The following INPP5A variants were observed in gnomAD, a reference collection of about 807,000 sequenced individuals.
The protein encoded by INPP5A is inositol polyphosphate-5-phosphatase A.
INPP5A carries 14 observed loss-of-function variants against 65.2 expected under a neutral mutation model. That is an observed-to-expected ratio of 0.21 (90% CI 0.14 to 0.34). The LOEUF (loss-of-function observed/expected upper bound fraction) is 0.34. INPP5A is among the 10% of genes least tolerant of loss of function. The probability of loss-of-function intolerance (pLI) is 1.00; values close to 1 mark genes in which losing one functional copy is unlikely to be tolerated. For synonymous variants in INPP5A, 207 were observed against 208.3 expected, an observed-to-expected ratio of 0.99 and a Z score of 0.05; for missense variants, 431 against 545.6, an observed-to-expected ratio of 0.79 and a Z score of 2.09.
At chr10:132,640,176 T>G (rs1057491268) in intron 2 of INPP5A, among the ~76,000 whole-genome samples, 3 of 152,262 alleles carry the variant, frequency 2.0e-5, no homozygotes, top group African/African-American at 7.2e-5. Flanking sequence ...CTGGCTTTTC[T>G]TACGGTTCTC....
At chr10:132,584,495 ATAAACT>A (rs1010293856) in intron 1 of INPP5A, among the ~76,000 whole-genome samples, 7 of 152,244 alleles carry the variant, frequency 4.6e-5, no homozygotes, top group African/African-American at 1.4e-4. Flanking sequence ...TGAGGAAAAC[ATAAACT>A]TAAAAATTAT....
chr10:132,643,821 G>A (rs180965643), intron 2 of INPP5A, among the ~76,000 whole-genome samples: 5 of 152,224 alleles, frequency 3.3e-5, no homozygotes, highest in Non-Finnish European at 7.4e-5. Context: ...GGGTCCTGGC[G>A]CCCTGTGAGT....
intron 2 of INPP5A, among the ~76,000 whole-genome samples, chr10:132,631,250 C>T (rs1000530592): frequency 5.3e-5 from 8 of 152,186 alleles, no homozygotes; most frequent in East Asian, 3.8e-4. Context: ...CCGGTCCCAT[C>T]GGCTGCGCCT....
chr10:132,645,023 C>T (rs551923762), intron 2 of INPP5A, among the ~76,000 whole-genome samples: 3 of 152,218 alleles, frequency 2.0e-5, no homozygotes, highest in South Asian at 4.2e-4. Context: ...TCTCTGCCCG[C>T]GCGTCCTCTC....
chr10:132,771,688 C>T (rs1846953461), intron 12 of INPP5A, among the ~76,000 whole-genome samples: 1 of 114,864 alleles, frequency 8.7e-6, no homozygotes, highest in Non-Finnish European at 1.9e-5. Flanking sequence ...TCAGCACTGA[C>T]ACAGAGGCCA....
At chr10:132,561,443 T>G (rs371656684) in intron 1 of INPP5A, among the ~76,000 whole-genome samples, 1 of 152,230 alleles carries the variant, frequency 6.6e-6, no homozygotes, top group East Asian at 1.9e-4. Context: ...CGGTACCATT[T>G]TTGAAAAGAC....
intron 11 of INPP5A, among the ~76,000 whole-genome samples, chr10:132,760,172 T>G (rs902856812): frequency 3.3e-5 from 5 of 152,188 alleles, no homozygotes; most frequent in Non-Finnish European, 1.5e-5. Flanking sequence ...CACCTGCTGC[T>G]TCTAGGAGGT....
In INPP5A at chr10:132,706,772, T is replaced by G. The variant is rs1043739015; in HGVS notation, c.475-1541T>G. Among the ~76,000 whole-genome samples the G allele has an allele frequency of 3.3e-5, 5 of 151,990 alleles. No individual in the cohort carries two copies. Among genetic ancestry groups the G allele is most frequent in the Non-Finnish European group, 7.4e-5 (5 of 67,968 alleles). On this transcript the variant is annotated intron_variant, in intron 6 of 15. Coordinates refer to ENST00000368594, the MANE Select transcript of INPP5A (RefSeq NM_005539.5). The surrounding 1 kb of genome is among the most constrained non-coding windows in gnomAD (Gnocchi z 4.7). ...GAGGGAGCTGTGGGGGCCACTGTCC[T>G]GGAGGGAGACAGGGAGAAGGAGACG...
chr10:132,596,991 G>C (rs1052500396), intron 1 of INPP5A, among the ~76,000 whole-genome samples: 6 of 151,518 alleles, frequency 4.0e-5, no homozygotes, highest in Non-Finnish European at 8.8e-5. Flanking sequence ...GTGCATGCAC[G>C]TGTGTTTGTG....
intron 8 of INPP5A, among the ~76,000 whole-genome samples, chr10:132,726,247 C>T (rs55945691): frequency 0.022 from 3,285 of 152,294 alleles, 54 homozygotes; most frequent in South Asian, 0.053. Flanking sequence ...TTGAAACGTC[C>T]GAGTGGAGAT....
intron 4 of INPP5A, among the ~76,000 whole-genome samples, chr10:132,657,702 A>G (rs1258236267): frequency 6.6e-6 from 1 of 152,210 alleles, no homozygotes; most frequent in East Asian, 1.9e-4. Flanking sequence ...GGGAGAATTT[A>G]TGGAAAATTG....
intron 8 of INPP5A, among the ~76,000 whole-genome samples, chr10:132,716,084 G>A (rs914847610): frequency 6.6e-6 from 1 of 152,212 alleles, no homozygotes; most frequent in Non-Finnish European, 1.5e-5. Flanking sequence ...TCATTTTGTT[G>A]AACATGGAGT....
At chr10:132,670,817 C>G (rs2072880016) in intron 4 of INPP5A, among the ~76,000 whole-genome samples, 1 of 149,224 alleles carries the variant, frequency 6.7e-6, no homozygotes, top group Non-Finnish European at 1.5e-5. Flanking sequence ...CCTATAGAAA[C>G]TGATTTCTTG....
chr10:132,588,909 T>C (rs1413057721), intron 1 of INPP5A, among the ~76,000 whole-genome samples: 1 of 151,010 alleles, frequency 6.6e-6, no homozygotes, highest in Non-Finnish European at 1.5e-5. Flanking sequence ...GAGTGTGAGA[T>C]GTGGTCCCAC....
At chr10:132,777,378 T>C (rs1475589574) in intron 12 of INPP5A, among the ~76,000 whole-genome samples, 1 of 152,234 alleles carries the variant, frequency 6.6e-6, no homozygotes, top group African/African-American at 2.4e-5. Context: ...TTAGACCATG[T>C]TCAAAAAACC....
intron 1 of INPP5A, among the ~76,000 whole-genome samples, chr10:132,599,905 C>T (rs1317424843): frequency 1.3e-5 from 2 of 152,214 alleles, no homozygotes; most frequent in Non-Finnish European, 2.9e-5. Context: ...TTAGCCACGG[C>T]TGGAGTGGCT....
In INPP5A at chr10:132,779,988, G is replaced by A. The variant is rs75273434; in HGVS notation, c.1090-861G>A. On this transcript the variant is annotated intron_variant, in intron 13 of 15. Coordinates refer to ENST00000368594, the MANE Select transcript of INPP5A (RefSeq NM_005539.5). ...TTATGCTGCCTTTGTAAATTACCAC[G>A]CTGCGTTTGATGAATGTTTCTCCAC... Among the ~76,000 whole-genome samples the A allele has an allele frequency of 1.9e-4, 29 of 152,360 alleles. No homozygotes were observed. In the East Asian group the frequency reaches 2.9e-3, roughly 15 times the overall value.
chr10:132,776,027 CAG>C (rs1484898276), intron 12 of INPP5A, among the ~76,000 whole-genome samples: 4 of 151,560 alleles, frequency 2.6e-5, no homozygotes, highest in South Asian at 2.1e-4. Context: ...GGACGTGTGT[CAG>C]GGGCTGGGCA....
intron 12 of INPP5A, among the ~76,000 whole-genome samples, chr10:132,775,978 C>T (rs1333108389): frequency 6.7e-6 from 1 of 149,228 alleles, no homozygotes; most frequent in Non-Finnish European, 1.5e-5. Flanking sequence ...GGGCAGTGGA[C>T]GTGTGTGCGG....
Sources: allele counts gnomAD v4.1 joint callset (sites outside exome capture counted in the v4.1 genomes callset), GRCh38; gene constraint gnomAD v4.1.1; non-coding constraint Gnocchi (gnomAD v3.1); transcripts MANE v1.5; gene names NCBI Gene and HGNC (gene_info 2026-07-23, HGNC 2026-07-21).